The following ZNRF1 variants were observed in gnomAD, a reference collection of about 807,000 sequenced individuals.
ZNRF1 encodes the protein zinc and ring finger 1.
ZNRF1 carries 3 observed loss-of-function variants against 18.4 expected under a neutral mutation model. The observed-to-expected ratio is 0.16, with a 90% confidence interval of 0.07 to 0.42. The LOEUF is 0.42. Among genes scored for constraint, ZNRF1 ranks in the 10% least tolerant of loss-of-function variants. ZNRF1 has a pLI of 0.99. For missense variants in ZNRF1, 310 were observed against 329.8 expected, an observed-to-expected ratio of 0.94 and a Z score of 0.47; for synonymous variants, 157 against 144.2, an observed-to-expected ratio of 1.09 and a Z score of -0.64.
At chr16:75,051,724 G>A (rs761012122) in intron 1 of ZNRF1, among the ~76,000 whole-genome samples, 11 of 152,060 alleles carry the variant, frequency 7.2e-5, no homozygotes, top group South Asian at 2.1e-4. Context: ...CACCGTGTTG[G>A]TCAGGCTGGT....
chr16:75,059,144 C>T (rs965252273), intron 1 of ZNRF1, among the ~76,000 whole-genome samples: 3 of 152,000 alleles, frequency 2.0e-5, no homozygotes, highest in Non-Finnish European at 4.4e-5. Context: ...TACCCTTTGC[C>T]CTTGTAGGCT....
intron 1 of ZNRF1, among the ~76,000 whole-genome samples, chr16:75,055,539 A>G (rs1283807385): frequency 1.3e-5 from 2 of 152,196 alleles, no homozygotes; most frequent in African/African-American, 4.8e-5. Context: ...GGTAGACTGC[A>G]GGCCTGATGA....
At chr16:75,041,071 A>C (rs1785043581) in intron 1 of ZNRF1, among the ~76,000 whole-genome samples, 1 of 152,226 alleles carries the variant, frequency 6.6e-6, no homozygotes, top group South Asian at 2.1e-4. Context: ...AGCTTAAGAC[A>C]ATTATGAATG....
intron 1 of ZNRF1, among the ~76,000 whole-genome samples, chr16:75,056,719 T>C (rs1315651222): frequency 3.9e-5 from 6 of 152,134 alleles, no homozygotes; most frequent in Admixed American, 3.3e-4. Flanking sequence ...CTCTACCTTC[T>C]GGGTTCAAGT....
Position 74,999,548 on chromosome 16 carries a change from T to G in ZNRF1, c.-124T>G. 8.6e-6 allele frequency: 6 copies of G among 695,252 alleles called. No individual in the cohort carries two copies. The highest frequency in any genetic ancestry group is 1.2e-5 in the Non-Finnish European group (6 of 493,078). 43.1% of individuals were successfully genotyped at this position (695,252 alleles called of 1,614,324 possible). A position where few individuals can be genotyped will look rare whatever the true frequency, so the allele number is the denominator to read the frequency against. On this transcript the variant is annotated 5_prime_UTR_variant, in exon 1 of 5. Coordinates refer to ENST00000335325, the MANE Select transcript of ZNRF1 (RefSeq NM_032268.5). ...TTTTTCCTTTTGCTTTTTTTCCTTTTCTCCCTCCGGGTCTCCTTTTTGACT... is the reference window on the plus strand; with the variant it reads ...TTTTTCCTTTTGCTTTTTTTCCTTTGCTCCCTCCGGGTCTCCTTTTTGACT...
Position 75,081,104 on chromosome 16 carries a change from C to T in ZNRF1, c.425-12468C>T, listed in dbSNP as rs1366430956. 3.3e-5 allele frequency among the ~76,000 whole-genome samples: 5 copies of T among 150,708 alleles called. No homozygotes were observed. The East Asian group carries it at 9.9e-4, about 30-fold the overall frequency. On this transcript the variant is annotated intron_variant, in intron 1 of 4. Transcript: ENST00000335325. ...AGGAGAATGGCGTGAACCCGGGAGG[C>T]GGAGCTTGCAGTGAGCCGAGATCAC...
At chr16:75,047,825 C>T (rs1042087298) in intron 1 of ZNRF1, among the ~76,000 whole-genome samples, 6 of 152,174 alleles carry the variant, frequency 3.9e-5, no homozygotes, top group East Asian at 1.9e-4. Context: ...AGAGGCATGG[C>T]GGCCGAGATC....
chr16:75,104,924 C>T (rs777485490), intron 3 of ZNRF1, 35 bp downstream of exon 3: 13 of 1,525,006 alleles, frequency 8.5e-6, no homozygotes, highest in Non-Finnish European at 8.9e-6. Context: ...TAGTGCACCC[C>T]ACCTCCCAGA....
chr16:75,071,335 A>G (rs909470732), intron 1 of ZNRF1, among the ~76,000 whole-genome samples: 3 of 152,048 alleles, frequency 2.0e-5, no homozygotes, highest in Non-Finnish European at 4.4e-5. Flanking sequence ...CCTGACCTCA[A>G]GCGATCTGCC....
chr16:75,038,343 C>T (rs2035400185), intron 1 of ZNRF1, among the ~76,000 whole-genome samples: 1 of 152,128 alleles, frequency 6.6e-6, no homozygotes, highest in Admixed American at 6.6e-5. Flanking sequence ...CCTTCTCTCT[C>T]TCGCTGTGGC....
At chr16:75,104,265 T>A (rs2036287173) in intron 2 of ZNRF1, 1 of 152,676 alleles carries the variant, frequency 6.5e-6, no homozygotes, top group African/African-American at 2.4e-5. Context: ...GTTGCGCAGT[T>A]TGTAGACACT....
chr16:75,088,250 A>G (rs1394715823), intron 1 of ZNRF1, among the ~76,000 whole-genome samples: 3 of 152,194 alleles, frequency 2.0e-5, no homozygotes, highest in South Asian at 2.1e-4. Flanking sequence ...CTTCTTGATC[A>G]TCGGATGACA....
At chr16:75,083,017 A>C (rs890967195) in intron 1 of ZNRF1, among the ~76,000 whole-genome samples, 1 of 152,224 alleles carries the variant, frequency 6.6e-6, no homozygotes, top group Non-Finnish European at 1.5e-5. Context: ...TAAAATTATA[A>C]ATATCTGTGG....
chr16:75,060,548 G>C lies in ZNRF1; in HGVS notation c.425-33024G>C, dbSNP rs547015180. Among the ~76,000 whole-genome samples the C allele has an allele frequency of 1.3e-4, 18 of 136,260 alleles. 1 individual carries two copies. The East Asian group carries it at 3.9e-3, about 30-fold the overall frequency. 89.4% of individuals were successfully genotyped at this position (136,260 alleles called of 152,430 possible). A position where few individuals can be genotyped will look rare whatever the true frequency, so the allele number is the denominator to read the frequency against. On this transcript the variant is annotated intron_variant, in intron 1 of 4. Transcript: ENST00000335325. Reference sequence around the variant, plus strand: ...GCTTGGAGTGCAGTGGTGTGATCTCGGCTCACTGCAACCTCCGCCTCCCAG... The same window carrying C: ...GCTTGGAGTGCAGTGGTGTGATCTCCGCTCACTGCAACCTCCGCCTCCCAG...
In ZNRF1 at chr16:75,069,616, A is replaced by G. The variant is rs151250951; in HGVS notation, c.425-23956A>G. ...TTTAGTAGAGATGGGGTTTTGCCATATTGTCCAGGCTGGTCTCAAACTCCT... is the reference window on the plus strand; with the variant it reads ...TTTAGTAGAGATGGGGTTTTGCCATGTTGTCCAGGCTGGTCTCAAACTCCT... On this transcript the variant is annotated intron_variant, in intron 1 of 4. Transcript: ENST00000335325. Among the ~76,000 whole-genome samples the G allele has an allele frequency of 7.9e-3, 1,199 of 152,024 alleles. 8 individuals carry two copies. Among genetic ancestry groups the G allele is most frequent in the Middle Eastern group, 0.027 (8 of 294 alleles).
At chr16:75,056,082 C>T (rs1264848345) in intron 1 of ZNRF1, among the ~76,000 whole-genome samples, 1 of 152,172 alleles carries the variant, frequency 6.6e-6, no homozygotes, top group Non-Finnish European at 1.5e-5. Flanking sequence ...ATCATTTTAG[C>T]CATTGATAGC....
At chr16:75,005,900 G>T (rs1234757839) in intron 1 of ZNRF1, among the ~76,000 whole-genome samples, 1 of 151,988 alleles carries the variant, frequency 6.6e-6, no homozygotes, top group Non-Finnish European at 1.5e-5. Flanking sequence ...AACATCATAG[G>T]GTGTACATAC....
chr16:75,107,642 C>T (rs1163884077), intron 4 of ZNRF1, 91 bp from the exon 5 acceptor site: 1 of 452,262 alleles, frequency 2.2e-6, no homozygotes, highest in Non-Finnish European at 4.4e-6. Flanking sequence ...ACGCCCCAGC[C>T]CCGCCTGCCC....
intron 1 of ZNRF1, among the ~76,000 whole-genome samples, chr16:75,050,989 T>C (rs539030175): frequency 6.7e-6 from 1 of 149,594 alleles, no homozygotes; most frequent in Non-Finnish European, 1.5e-5. Context: ...GCTCAGGAGT[T>C]TAACACCAGT....
Sources: gnomAD v4.1 joint callset for allele counts (sites outside exome capture counted in the v4.1 genomes callset) on GRCh38, gnomAD v4.1.1 for gene constraint, MANE v1.5 for transcripts, NCBI Gene and HGNC (gene_info 2026-07-23, HGNC 2026-07-21) for gene names.